Variants in AMER1 observed in about 807,000 individuals in gnomAD.
The protein encoded by AMER1 is APC membrane recruitment protein 1, also known as RP11-403E24.2.
Under a neutral mutation model 53.0 loss-of-function variants are expected in AMER1, and 16 were observed. The observed-to-expected ratio is 0.30, with a 90% CI of 0.20 to 0.46. The LOEUF (loss-of-function observed/expected upper bound fraction) is 0.46, where lower values mean the gene tolerates loss of function less well. Among genes scored for constraint, AMER1 ranks in the 20% least tolerant of loss-of-function variants. The probability of loss-of-function intolerance (pLI) is 1.00; values close to 1 mark genes in which losing one functional copy is unlikely to be tolerated. For synonymous variants in AMER1, 354 were observed against 331.9 expected, an observed-to-expected ratio of 1.07 and a Z score of -0.73; for missense variants, 947 against 884.9, an observed-to-expected ratio of 1.07 and a Z score of -0.89.
At position 64,193,379 on chromosome X, in the gene AMER1, T is replaced by C; in HGVS notation, c.-93A>G. 3 of 1,159,785 alleles carry C rather than the reference T, an allele frequency of 2.6e-6. No homozygotes were observed. Among genetic ancestry groups the C allele is most frequent in the Non-Finnish European group, 2.3e-6 (2 of 855,198 alleles). On this transcript the variant is annotated 5_prime_UTR_variant, in exon 2 of 2. Coordinates refer to ENST00000374869, the MANE Select transcript of AMER1 (RefSeq NM_152424.4). ...CATTATCAGTCAGGAAGCATCACAG[T>C]GGGGTCTGGAGGAGATAGGAGAGAC...
intron 1 of AMER1, among the ~76,000 whole-genome samples, chrX:64,199,469 T>C (rs1362227894): frequency 1.8e-5 from 2 of 112,213 alleles, no homozygotes; most frequent in Non-Finnish European, 3.8e-5. Flanking sequence ...TCAAATGCCT[T>C]ATCTGTAAAA....
At position 64,190,259 on chromosome X, in the gene AMER1, A is replaced by T. The variant is rs1569191373; in HGVS notation, c.3028T>A (p.Ser1010Thr). The change falls in exon 2 of 2, where the codon TCA becomes ACA. Residue 1010 changes from serine (S) to threonine (T), a missense_variant. Transcript: ENST00000374869. ...TMSISLSVPE[S>T]RAPGESGPQL... is the part of the protein sequence containing the mutation. ...GGCCCAGATTCCCCAGGTGCCCTTG[A>T]CTCTGGCACTGATAGTGATATTGAC... 3.3e-6 allele frequency: 4 copies of T among 1,211,352 alleles called. No individual in the cohort carries two copies. Among genetic ancestry groups the T allele is most frequent in the Admixed American group, 2.2e-5 (1 of 46,028 alleles).
intron 1 of AMER1, among the ~76,000 whole-genome samples, chrX:64,197,523 C>T (rs1009337786): frequency 8.8e-6 from 1 of 113,035 alleles, no homozygotes; most frequent in African/African-American, 3.2e-5. Context: ...CTTCCCGGGG[C>T]CAGCATGGCC....
chrX:64,189,793 A>ACGGGGGCCCCC lies in AMER1; in HGVS notation c.*85_*86insGGGGGCCCCCG. The ACGGGGGCCCCC allele has an allele frequency of 3.4e-6, 1 of 292,064 alleles. No homozygotes were observed. The highest frequency in any genetic ancestry group is 4.9e-6 in the Non-Finnish European group (1 of 204,822). The allele number at this position is 292,064 out of a possible 1,213,427, so 24.1% of individuals were successfully genotyped here. A position where few individuals can be genotyped will look rare whatever the true frequency, so the allele number is the denominator to read the frequency against. On this transcript the variant is annotated 3_prime_UTR_variant, in exon 2 of 2. Transcript: ENST00000374869. Reference sequence around the variant, plus strand: ...CAAAGGGTTTTCAAGTTAAACAACAACCCCCACCCCCCCACCCTTCTGCCC... The same window carrying ACGGGGGCCCCC: ...CAAAGGGTTTTCAAGTTAAACAACAACGGGGGCCCCCCCCCCACCCCCCCACCCTTCTGCCC...
Position 64,189,793 on chromosome X carries a change from A to ACGGGGGCCCC in AMER1, c.*85_*86insGGGGCCCCCG. The ACGGGGGCCCC allele has an allele frequency of 6.8e-6, 2 of 292,071 alleles. No individual in the cohort carries two copies. The highest frequency in any genetic ancestry group is 9.8e-6 in the Non-Finnish European group (2 of 204,829). 24.1% of individuals were successfully genotyped at this position (292,071 alleles called of 1,213,427 possible). A position where few individuals can be genotyped will look rare whatever the true frequency, so the allele number is the denominator to read the frequency against. On this transcript the variant is annotated 3_prime_UTR_variant, in exon 2 of 2. Transcript: ENST00000374869. Reference sequence around the variant, plus strand: ...CAAAGGGTTTTCAAGTTAAACAACAACCCCCACCCCCCCACCCTTCTGCCC... The same window carrying ACGGGGGCCCC: ...CAAAGGGTTTTCAAGTTAAACAACAACGGGGGCCCCCCCCCACCCCCCCACCCTTCTGCCC...
At position 64,185,573 on chromosome X, in the gene AMER1, GA is replaced by G. The variant is rs2147081827; in HGVS notation, c.*4305del. On this transcript the variant is annotated 3_prime_UTR_variant, in exon 2 of 2. Transcript: ENST00000374869. ...CCATGTGGATTTTCTTCTTTGGAGT[GA>G]CTATAGGATTGGAAAGTCAGGGATC... is the stretch of plus-strand genomic sequence containing the variant. The G allele has an allele frequency of 5.8e-6, 1 of 171,762 alleles. No homozygotes were observed. Among genetic ancestry groups the G allele is most frequent in the East Asian group, 8.4e-5 (1 of 11,945 alleles). 14.2% of individuals were successfully genotyped at this position (171,762 alleles called of 1,213,427 possible). A position where few individuals can be genotyped will look rare whatever the true frequency, so the allele number is the denominator to read the frequency against.
At chrX:64,200,253 CA>C (rs1301142634) in intron 1 of AMER1, among the ~76,000 whole-genome samples, 2 of 112,487 alleles carry the variant, frequency 1.8e-5, no homozygotes, top group African/African-American at 6.5e-5. Flanking sequence ...ACCCCCCGTT[CA>C]AATGAAGAAT....
chrX:64,197,773 C>A (rs1490775255), intron 1 of AMER1, among the ~76,000 whole-genome samples: 1 of 112,348 alleles, frequency 8.9e-6, no homozygotes, highest in African/African-American at 3.2e-5. Flanking sequence ...CAACTCTGCC[C>A]AGCTAGGGGA....
chrX:64,191,005 T>G lies in AMER1; in HGVS notation c.2282A>C (p.Lys761Thr). The part of the protein sequence containing the change: ...PEDPEEEEVE[K>T]EGNATVSFSQ... ...GAAACTCACAGTGGCATTCCCTTCC[T>G]TCTCAACCTCCTCTTCCTCTGGATC... is the stretch of plus-strand genomic sequence containing the variant. Residue 761 changes from lysine (K) to threonine (T), a missense_variant, in exon 2 of 2, where the codon AAG becomes ACG. By Grantham distance (78) the Lys-to-Thr change is moderately conservative. Transcript: ENST00000374869. 1 of 1,211,939 alleles carries G rather than the reference T, an allele frequency of 8.3e-7. No homozygotes were observed. Among genetic ancestry groups the G allele is most frequent in the Non-Finnish European group, 1.1e-6 (1 of 895,565 alleles).
chrX:64,201,461 A>ACACACC (rs1314073789), intron 1 of AMER1, among the ~76,000 whole-genome samples: 1 of 107,859 alleles, frequency 9.3e-6, no homozygotes, highest in Non-Finnish European at 1.9e-5. Flanking sequence ...ACACACACAC[A>ACACACC]CACACACACA....
chrX:64,192,917 G>A lies in AMER1; in HGVS notation c.370C>T (p.Pro124Ser), dbSNP rs1602068444. Residue 124 changes from proline (P) to serine (S), a missense_variant, in exon 2 of 2, where the codon CCC becomes TCC. By Grantham distance (74) the Pro-to-Ser change is moderately conservative. Coordinates refer to ENST00000374869, the MANE Select transcript of AMER1 (RefSeq NM_152424.4). ...CTCTGAGAGCTGGGAAATTGGCAGG[G>A]TAACTCAGGCAAAGGCAGGGAGAAG... ...TGFSLPLPEL[P>S]CQFPSSQSAH... is the part of the protein sequence containing the mutation. 1 of 1,210,158 alleles carries A rather than the reference G, an allele frequency of 8.3e-7. No individual in the cohort carries two copies. The highest frequency in any genetic ancestry group is 2.3e-4 in the Middle Eastern group (1 of 4,355).
chrX:64,189,792 A>ATGGGGGGG lies in AMER1; in HGVS notation c.*86_*87insCCCCCCCA. 2.7e-6 allele frequency: 2 copies of ATGGGGGGG among 746,965 alleles called. No homozygotes were observed. Among genetic ancestry groups the ATGGGGGGG allele is most frequent in the Non-Finnish European group, 3.4e-6 (2 of 590,421 alleles). 61.6% of individuals were successfully genotyped at this position (746,965 alleles called of 1,213,427 possible). On this transcript the variant is annotated 3_prime_UTR_variant, in exon 2 of 2. Transcript: ENST00000374869. ...CCAAAGGGTTTTCAAGTTAAACAAC[A>ATGGGGGGG]ACCCCCACCCCCCCACCCTTCTGCC... is the stretch of plus-strand genomic sequence containing the variant.
chrX:64,205,301 G>A (rs1038509627), intron 1 of AMER1, among the ~76,000 whole-genome samples: 9 of 74,303 alleles, frequency 1.2e-4, no homozygotes, highest in Non-Finnish European at 1.8e-4. Context: ...CCCGAAAGCC[G>A]GGAGGCTTGG....
intron 1 of AMER1, among the ~76,000 whole-genome samples, chrX:64,201,683 T>C (rs1309851149): frequency 1.8e-5 from 2 of 112,161 alleles, no homozygotes; most frequent in Non-Finnish European, 3.8e-5. Flanking sequence ...ACATTCTCTC[T>C]TCTAGCCTCA....
rs1228152440 is a variant in AMER1, at chrX:64,188,871, C to T, written c.*1008G>A. ...TCTTCCCTTATCTCAATTAAAAGAC[C>T]GTGTTCCTTGTGATGAGATTATGAA... On this transcript the variant is annotated 3_prime_UTR_variant, in exon 2 of 2. Coordinates refer to ENST00000374869, the MANE Select transcript of AMER1 (RefSeq NM_152424.4). 3 of 804,339 alleles carry T rather than the reference C, an allele frequency of 3.7e-6. No homozygotes were observed. The highest frequency in any genetic ancestry group is 7.0e-5 in the East Asian group (1 of 14,224). 66.3% of individuals were successfully genotyped at this position (804,339 alleles called of 1,213,427 possible).
rs1486040300 is a variant in AMER1 at position 64,190,163 on chromosome X, G to T, written c.3124C>A (p.Gln1042Lys). 8.3e-7 allele frequency: 1 copy of T among 1,207,699 alleles called. No individual in the cohort carries two copies. The highest frequency in any genetic ancestry group is 1.1e-6 in the Non-Finnish European group (1 of 893,738). Residue 1042 changes from glutamine to lysine, a missense_variant, in exon 2 of 2, where the codon CAG becomes AAG. Physicochemically the swap from Gln to Lys is moderately conservative, Grantham distance 53. Transcript: ENST00000374869. ...PCYNLQPQAS[Q>K]SMRARPRDVL... Reference sequence around the variant, plus strand: ...TCTCGAGGCCTGGCCCTCATGCTCTGGGAGGCCTGTGGCTGGAGGTTATAG... The same window carrying T: ...TCTCGAGGCCTGGCCCTCATGCTCTTGGAGGCCTGTGGCTGGAGGTTATAG...
At chrX:64,200,282 C>T (rs1365300007) in intron 1 of AMER1, among the ~76,000 whole-genome samples, 1 of 112,191 alleles carries the variant, frequency 8.9e-6, no homozygotes, top group African/African-American at 3.2e-5. Flanking sequence ...GAGCTAACTC[C>T]AGAGAAACAG....
chrX:64,192,056 C>T lies in AMER1; in HGVS notation c.1231G>A (p.Glu411Lys), dbSNP rs1434752067. The change falls in exon 2 of 2, where the codon GAA becomes AAA. Residue 411 changes from glutamate to lysine, a missense_variant. Coordinates refer to ENST00000374869, the MANE Select transcript of AMER1 (RefSeq NM_152424.4). ...EEDDDLEYLW[E>K]TAQMYPRPNM... ...GGCCGTGGATACATTTGGGCAGTTT[C>T]CCACAGATATTCTAAGTCATCATCT... is the stretch of plus-strand genomic sequence containing the variant. 1 of 1,211,814 alleles carries T rather than the reference C, an allele frequency of 8.3e-7. No individual in the cohort carries two copies. Among genetic ancestry groups the T allele is most frequent in the South Asian group, 1.8e-5 (1 of 56,958 alleles).
In AMER1 at chrX:64,191,589, T is replaced by C. The variant is rs1170718472; in HGVS notation, c.1698A>G (p.Lys566=). The change falls in exon 2 of 2, where the codon AAA becomes AAG. Residue 566 remains lysine (K), a synonymous_variant. Transcript: ENST00000374869. ...GCCGAAGCTCCCAATACAACAACTG[T>C]TTCTGGATGGTCACTAGCCGTTCTT... ...TEEERLVTIQ[K]QLLYWELRRE... The C allele has an allele frequency of 7.4e-6, 9 of 1,212,196 alleles. No individual in the cohort carries two copies. The highest frequency in any genetic ancestry group is 2.3e-4 in the Middle Eastern group (1 of 4,354).
Sources: allele counts gnomAD v4.1 joint callset (sites outside exome capture counted in the v4.1 genomes callset), GRCh38; gene constraint gnomAD v4.1.1; transcripts MANE v1.5; gene names NCBI Gene and HGNC (gene_info 2026-07-23, HGNC 2026-07-21).